Variants in ST6GALNAC2 observed in about 807,000 individuals in gnomAD.
ST6GALNAC2 encodes ST6 N-acetylgalactosaminide alpha-2,6-sialyltransferase 2.
A neutral mutation model predicts 38.7 loss-of-function variants in ST6GALNAC2; 42 were observed. The observed-to-expected ratio is 1.09, with a 90% CI of 0.85 to 1.40. ST6GALNAC2 has a LOEUF of 1.40. Ranked by LOEUF, ST6GALNAC2 falls within the 40% of genes most tolerant of loss-of-function variation. The probability of loss-of-function intolerance (pLI) is 0.00; values close to 1 mark genes in which losing one functional copy is unlikely to be tolerated. For synonymous variants in ST6GALNAC2, 233 were observed against 209.0 expected (o/e 1.11, Z -0.99); for missense variants, 506 against 481.7 (o/e 1.05, Z -0.47).
At chr17:76,580,834 T>C (rs2075467124) in intron 1 of ST6GALNAC2, 1 of 152,162 alleles carries the variant, frequency 6.6e-6, no homozygotes, top group African/African-American at 2.4e-5. Context: ...TGTGTCAGCC[T>C]CTATTATTAG....
chr17:76,577,150 T>G (rs150900114), intron 2 of ST6GALNAC2, among the ~76,000 whole-genome samples: 14,739 of 144,580 alleles, frequency 0.1, 871 homozygotes, highest in Middle Eastern at 0.16. Flanking sequence ...AACTGCAACC[T>G]CCACCTCCCA....
chr17:76,568,495 C>T lies in ST6GALNAC2; in HGVS notation c.857+218G>A, dbSNP rs764757193. ...CCTTGAGTTATCCTGAGTTTCCTGT[C>T]CATTTCCTGGTGACTGACATATATC... On this transcript the variant is annotated intron_variant, in intron 7 of 8. Coordinates refer to ENST00000225276, the MANE Select transcript of ST6GALNAC2 (RefSeq NM_006456.3). 24 of 593,266 alleles carry T rather than the reference C, an allele frequency of 4.0e-5. 1 individual carries two copies. The highest frequency in any genetic ancestry group is 6.9e-5 in the Non-Finnish European group (23 of 332,080). The allele number at this position is 593,266 out of a possible 1,614,324, so 36.8% of individuals were successfully genotyped here.
Position 76,578,830 on chromosome 17 carries a change from C to T in ST6GALNAC2, c.126-14G>A, listed in dbSNP as rs1233435249. The T allele has an allele frequency of 1.2e-6, 2 of 1,610,526 alleles. No homozygotes were observed. Among genetic ancestry groups the T allele is most frequent in the African/African-American group, 2.7e-5 (2 of 74,684 alleles). ...GATGTGGTGTCCCTGGGGGAAAAAG[C>T]AGAAAAAAGCAGGGGTCAGCAGCTC... On this transcript the variant is annotated splice_polypyrimidine_tract_variant and intron_variant, in intron 1 of 8. Transcript: ENST00000225276.
At chr17:76,585,646 CCCCTGCGCCCTCCCG>C in intron 1 of ST6GALNAC2, 23 bp downstream of exon 1, 1 of 1,502,990 alleles carries the variant, frequency 6.7e-7, no homozygotes, top group Non-Finnish European at 8.8e-7. Context: ...GCCCTGGTCG[CCCCTGCGCCCTCCCG>C]CTCTGCGCTC....
At chr17:76,571,741 C>T (rs1302372899) in intron 5 of ST6GALNAC2, among the ~76,000 whole-genome samples, 1 of 152,206 alleles carries the variant, frequency 6.6e-6, no homozygotes, top group Non-Finnish European at 1.5e-5. Context: ...AAACCCAACT[C>T]AGCTTCCTCC....
At position 76,574,513 on chromosome 17, in the gene ST6GALNAC2, G is replaced by C. The variant is rs1264705314; in HGVS notation, c.213C>G (p.His71Gln). The change falls in exon 3 of 9, where the codon CAC becomes CAG. Residue 71 changes from histidine (H) to glutamine (Q), a missense_variant. Transcript: ENST00000225276. Reference protein sequence around the residue: ...GKGQACRHLLHLAIQRHPHFR... With the variant: ...GKGQACRHLLQLAIQRHPHFR... ...AGTGGGGGTGCCGCTGAATGGCCAGGTGAAGCAGGTGTCGGCAGGCCTGGC... is the reference window on the plus strand; with the variant it reads ...AGTGGGGGTGCCGCTGAATGGCCAGCTGAAGCAGGTGTCGGCAGGCCTGGC... 1.3e-6 allele frequency: 2 copies of C among 1,527,254 alleles called. No individual in the cohort carries two copies. Among genetic ancestry groups the C allele is most frequent in the Non-Finnish European group, 1.8e-6 (2 of 1,124,952 alleles). 94.6% of individuals were successfully genotyped at this position (1,527,254 alleles called of 1,614,324 possible).
chr17:76,568,962 G>GTTGGGGACCACGTGC lies in ST6GALNAC2; in HGVS notation c.774-181_774-167dup, dbSNP rs1567927046. The GTTGGGGACCACGTGC allele has an allele frequency of 6.4e-6, 4 of 625,632 alleles. No homozygotes were observed. The South Asian group carries it at 7.5e-5, about 12-fold the overall frequency. 38.8% of individuals were successfully genotyped at this position (625,632 alleles called of 1,614,324 possible). A position where few individuals can be genotyped will look rare whatever the true frequency, so the allele number is the denominator to read the frequency against. Reference sequence around the variant, plus strand: ...GGGTGTAGAAGGTGGCAGGCAGTACGTTGGGGACCACGTGCGGCTTCCCGC... The same window carrying GTTGGGGACCACGTGC: ...GGGTGTAGAAGGTGGCAGGCAGTACGTTGGGGACCACGTGCTTGGGGACCACGTGCGGCTTCCCGC... On this transcript the variant is annotated intron_variant, in intron 6 of 8. Transcript: ENST00000225276.
intron 1 of ST6GALNAC2, 42 bp from the exon 2 acceptor site, chr17:76,578,858 AC>A: frequency 6.3e-7 from 1 of 1,591,318 alleles, no homozygotes; most frequent in South Asian, 1.1e-5. Flanking sequence ...AGCAGCTCTG[AC>A]CTACCCCTTG....
intron 5 of ST6GALNAC2, 136 bp downstream of exon 5, chr17:76,572,501 T>G: frequency 6.8e-6 from 7 of 1,032,156 alleles, no homozygotes; most frequent in Non-Finnish European, 9.8e-6. Context: ...AGTGGCTGTA[T>G]CTTGCATCCA....
intron 6 of ST6GALNAC2, 39 bp downstream of exon 6, chr17:76,570,526 C>G (rs1170938635): frequency 6.8e-7 from 1 of 1,470,548 alleles, no homozygotes. Context: ...TCCCTTGCCC[C>G]TCTGCCACGC....
At chr17:76,572,360 A>C (rs1167313901) in intron 5 of ST6GALNAC2, among the ~76,000 whole-genome samples, 2 of 152,186 alleles carry the variant, frequency 1.3e-5, no homozygotes, top group African/African-American at 4.8e-5. Flanking sequence ...CATGGGTTGC[A>C]CGGTCTCTGT....
chr17:76,570,795 C>A, intron 5 of ST6GALNAC2, 127 bp from the exon 6 acceptor site: 1 of 702,378 alleles, frequency 1.4e-6, no homozygotes, highest in Non-Finnish European at 2.5e-6. Context: ...ACCTTTCATT[C>A]CCACCCAGAG....
In ST6GALNAC2 at chr17:76,573,773, C is replaced by CA. The variant is rs2075381557; in HGVS notation, c.362-411dup. On this transcript the variant is annotated intron_variant, in intron 3 of 8. Coordinates refer to ENST00000225276, the MANE Select transcript of ST6GALNAC2 (RefSeq NM_006456.3). This position sits in a 1 kb window ranked among gnomAD's most constrained non-coding sequence, Gnocchi z 5.1. ...TGAAACCATGTCTCTATTAAAAATA[C>CA]AAAAATTAGCCAGGCGTGGTGGTGC... Among the ~76,000 whole-genome samples the CA allele has an allele frequency of 1.3e-5, 2 of 152,122 alleles. No homozygotes were observed. The highest frequency in any genetic ancestry group is 2.9e-5 in the Non-Finnish European group (2 of 67,982).
chr17:76,566,315 G>A (rs762891526), intron 8 of ST6GALNAC2, 44 bp from the exon 9 acceptor site: 1 of 1,597,330 alleles, frequency 6.3e-7, no homozygotes, highest in Admixed American at 1.7e-5. Context: ...TGAGCGTCTA[G>A]TGTGTACAGA....
At position 76,573,408 on chromosome 17, in the gene ST6GALNAC2, G is replaced by A; in HGVS notation, c.362-45C>T. The A allele has an allele frequency of 6.8e-7, 1 of 1,462,806 alleles. No homozygotes were observed. The allele number at this position is 1,462,806 out of a possible 1,614,324, so 90.6% of individuals were successfully genotyped here. A position where few individuals can be genotyped will look rare whatever the true frequency, so the allele number is the denominator to read the frequency against. On this transcript the variant is annotated intron_variant, in intron 3 of 8. Coordinates refer to ENST00000225276, the MANE Select transcript of ST6GALNAC2 (RefSeq NM_006456.3). The surrounding 1 kb of genome is among the most constrained non-coding windows in gnomAD (Gnocchi z 5.1). ...GCAGCCATGAGGAGGGCTGGCATCG[G>A]GGGCACCTGGGGCCTTCCCTAGGCT...
chr17:76,574,651 C>G, intron 2 of ST6GALNAC2, 112 bp from the exon 3 acceptor site: 1 of 861,204 alleles, frequency 1.2e-6, no homozygotes, highest in South Asian at 2.0e-5. Flanking sequence ...TGCCCTGTCC[C>G]CTCCAGATTG....
chr17:76,573,159 T>TCCCAA lies in ST6GALNAC2; in HGVS notation c.530+35_530+36insTTGGG. ...GACACCCCCACCCTCCAGGCAACTC[T>TCCCAA]CCCTCCCGCCCCTCCCCAGCTCCTA... On this transcript the variant is annotated intron_variant, in intron 4 of 8. Transcript: ENST00000225276. This position sits in a 1 kb window ranked among gnomAD's most constrained non-coding sequence, Gnocchi z 5.1. 6.5e-7 allele frequency: 1 copy of TCCCAA among 1,530,318 alleles called. No individual in the cohort carries two copies. Among genetic ancestry groups the TCCCAA allele is most frequent in the Non-Finnish European group, 8.9e-7 (1 of 1,120,826 alleles). 94.8% of individuals were successfully genotyped at this position (1,530,318 alleles called of 1,614,324 possible).
intron 3 of ST6GALNAC2, 59 bp downstream of exon 3, chr17:76,574,306 A>T: frequency 6.4e-7 from 1 of 1,568,756 alleles, no homozygotes; most frequent in East Asian, 2.3e-5. Flanking sequence ...GGCCTACTTC[A>T]GGGCAAAGAG....
chr17:76,566,314 A>G, intron 8 of ST6GALNAC2, 43 bp from the exon 9 acceptor site: 1 of 1,599,406 alleles, frequency 6.3e-7, no homozygotes, highest in Middle Eastern at 1.7e-4. Context: ...TTGAGCGTCT[A>G]GTGTGTACAG....
Sources: gnomAD v4.1 joint callset for allele counts (sites outside exome capture counted in the v4.1 genomes callset) on GRCh38, gnomAD v4.1.1 for gene constraint, Gnocchi (gnomAD v3.1) non-coding constraint, MANE v1.5 for transcripts, NCBI Gene and HGNC (gene_info 2026-07-23, HGNC 2026-07-21) for gene names.